Variants in ARL15 observed in about 807,000 individuals in gnomAD.
ARL15 encodes ADP-ribosylation factor-like protein 15.
A neutral mutation model predicts 25.2 loss-of-function variants in ARL15; 19 were observed. That is an observed-to-expected ratio of 0.75 (90% CI 0.53 to 1.10). The LOEUF (loss-of-function observed/expected upper bound fraction) is 1.10, where lower values mean the gene tolerates loss of function less well. Ranked by LOEUF, ARL15 falls within the 50% of genes least tolerant of loss-of-function variation. The pLI is 0.00. For synonymous variants in ARL15, 94 were observed against 86.8 expected (o/e 1.08, Z -0.46); for missense variants, 220 against 246.0 (o/e 0.89, Z 0.71).
chr5:53,931,924 C>T (rs191888237), intron 4 of ARL15, among the ~76,000 whole-genome samples: 186 of 152,258 alleles, frequency 1.2e-3, no homozygotes, highest in African/African-American at 3.9e-3. Context: ...CCTGCCCATC[C>T]GGCACAGTAA....
intron 4 of ARL15, among the ~76,000 whole-genome samples, chr5:53,977,354 C>CAAAAAAAAAA: frequency 1.1e-5 from 1 of 90,256 alleles, no homozygotes; most frequent in East Asian, 3.2e-4. Context: ...GACTCCGCCT[C>CAAAAAAAAAA]AAAAAAAAAA....
rs182185529 is a variant in ARL15 at position 54,267,839 on chromosome 5, T to C, written c.48+42593A>G. Among the ~76,000 whole-genome samples the C allele has an allele frequency of 7.6e-3, 1,164 of 152,244 alleles. 11 individuals carry two copies. Among genetic ancestry groups the C allele is most frequent in the African/African-American group, 0.026 (1,100 of 41,536 alleles). On this transcript the variant is annotated intron_variant, in intron 1 of 4. Transcript: ENST00000504924. ...GTAGAGTTTCTGCCGAGAGATCCGCTGTTAGTCTGATGGGCTTCCCTTTGT... is the reference window on the plus strand; with the variant it reads ...GTAGAGTTTCTGCCGAGAGATCCGCCGTTAGTCTGATGGGCTTCCCTTTGT...
At chr5:54,087,422 A>T (rs943058244) in intron 4 of ARL15, among the ~76,000 whole-genome samples, 6 of 152,192 alleles carry the variant, frequency 3.9e-5, no homozygotes, top group Non-Finnish European at 8.8e-5. Context: ...AAGCCATGTT[A>T]TTATGCTACT....
At chr5:53,930,213 C>G (rs1391691539) in intron 4 of ARL15, among the ~76,000 whole-genome samples, 1 of 152,104 alleles carries the variant, frequency 6.6e-6, no homozygotes, top group East Asian at 1.9e-4. Context: ...AATTGGCTAC[C>G]AGGGAGGGGA....
chr5:53,935,566 T>A (rs967606819), intron 4 of ARL15, among the ~76,000 whole-genome samples: 8 of 152,130 alleles, frequency 5.3e-5, no homozygotes, highest in African/African-American at 1.9e-4. Context: ...GACAGTAAGC[T>A]CTCAAAGAGT....
intron 4 of ARL15, among the ~76,000 whole-genome samples, chr5:54,076,989 T>C (rs1379401211): frequency 6.6e-6 from 1 of 152,112 alleles, no homozygotes; most frequent in East Asian, 1.9e-4. Flanking sequence ...GCTTCCCTTA[T>C]GAGAACATCT....
chr5:54,116,105 G>A (rs1752891317), intron 3 of ARL15, among the ~76,000 whole-genome samples: 1 of 152,216 alleles, frequency 6.6e-6, no homozygotes, highest in African/African-American at 2.4e-5. Flanking sequence ...CTAGTCCAAA[G>A]GCAAGGGAGC....
chr5:54,093,710 A>T (rs1369541174), intron 4 of ARL15, among the ~76,000 whole-genome samples: 1 of 151,848 alleles, frequency 6.6e-6, no homozygotes, highest in African/African-American at 2.4e-5. Context: ...AAAAAAGAAA[A>T]AAGACTGATC....
At chr5:54,202,322 C>A (rs1020947168) in intron 1 of ARL15, among the ~76,000 whole-genome samples, 1 of 152,118 alleles carries the variant, frequency 6.6e-6, no homozygotes, top group East Asian at 1.9e-4. Flanking sequence ...GCCGACCTTA[C>A]AAATATTATT....
At chr5:54,006,428 A>ATTT (rs397729053) in intron 4 of ARL15, among the ~76,000 whole-genome samples, 2,252 of 148,520 alleles carry the variant, frequency 0.015, 53 homozygotes, top group African/African-American at 0.053. Context: ...AACAAAAAAG[A>ATTT]TTTTTTTTTT....
intron 4 of ARL15, among the ~76,000 whole-genome samples, chr5:53,950,783 C>T (rs1746919972): frequency 1.3e-5 from 2 of 152,178 alleles, no homozygotes; most frequent in African/African-American, 2.4e-5. Context: ...TTTTATTAAA[C>T]ATAATGTTCT....
chr5:53,994,871 C>T (rs951845323), intron 4 of ARL15, among the ~76,000 whole-genome samples: 10 of 152,124 alleles, frequency 6.6e-5, no homozygotes, highest in African/African-American at 2.4e-4. Context: ...ACAGGGGTCT[C>T]ACTATGTTGC....
chr5:54,310,410 G>T, intron 1 of ARL15, 22 bp downstream of exon 1: 1 of 1,605,132 alleles, frequency 6.2e-7, no homozygotes, highest in Non-Finnish European at 8.5e-7. Context: ...GAGGCGACAT[G>T]CCACCCCTGC....
chr5:53,979,607 C>T lies in ARL15; in HGVS notation c.463-92894G>A, dbSNP rs146725458. ...CATACTATAGCAACCTCTTTTAATC[C>T]CTATTTTTAGCAGAGGTGCCAGAAG... On this transcript the variant is annotated intron_variant, in intron 4 of 4. Transcript: ENST00000504924. Among the ~76,000 whole-genome samples, 245 of 152,144 alleles carry T rather than the reference C, an allele frequency of 1.6e-3. 1 individual carries two copies. Among genetic ancestry groups the T allele is most frequent in the African/African-American group, 5.7e-3 (238 of 41,504 alleles).
intron 1 of ARL15, among the ~76,000 whole-genome samples, chr5:54,209,120 C>A (rs1008985922): frequency 4.6e-5 from 7 of 152,036 alleles, no homozygotes; most frequent in African/African-American, 1.7e-4. Flanking sequence ...AATGTAAACA[C>A]ATGGATTTAC....
chr5:54,192,228 A>C (rs1193839911), intron 1 of ARL15, among the ~76,000 whole-genome samples: 1 of 151,738 alleles, frequency 6.6e-6, no homozygotes, highest in Non-Finnish European at 1.5e-5. Context: ...ATTACTCTTA[A>C]AAACTGCACA....
chr5:54,308,407 T>A (rs1001782282), intron 1 of ARL15, among the ~76,000 whole-genome samples: 17 of 152,106 alleles, frequency 1.1e-4, no homozygotes, highest in African/African-American at 1.7e-4. Context: ...TGATTTTTTT[T>A]AAATATAAAA....
chr5:54,236,744 A>G (rs945985600), intron 1 of ARL15, among the ~76,000 whole-genome samples: 1 of 151,756 alleles, frequency 6.6e-6, no homozygotes, highest in Admixed American at 6.6e-5. Context: ...TCTTTTCTTC[A>G]AGTAATTAAA....
intron 1 of ARL15, among the ~76,000 whole-genome samples, chr5:54,307,039 A>G (rs1318388666): frequency 2.0e-5 from 3 of 152,226 alleles, no homozygotes; most frequent in Non-Finnish European, 4.4e-5. Flanking sequence ...AAGAAAGAGT[A>G]AGATGCTGGT....
Sources: gnomAD v4.1 joint callset for allele counts (sites outside exome capture counted in the v4.1 genomes callset) on GRCh38, gnomAD v4.1.1 for gene constraint, MANE v1.5 for transcripts, NCBI Gene and HGNC (gene_info 2026-07-23, HGNC 2026-07-21) for gene names.